CHN1: variants seen among roughly 807,000 people sequenced by gnomAD.
The protein encoded by CHN1 is chimerin 1.
CHN1 carries 37 observed loss-of-function variants against 59.5 expected under a neutral mutation model. The observed-to-expected ratio is 0.62, with a 90% confidence interval of 0.48 to 0.82. The LOEUF is 0.82. Among genes scored for constraint, CHN1 ranks in the 40% least tolerant of loss-of-function variants. The probability of loss-of-function intolerance (pLI) is 0.00; values close to 1 mark genes in which losing one functional copy is unlikely to be tolerated. For missense variants in CHN1, 469 were observed against 571.0 expected (o/e 0.82, Z 1.82); for synonymous variants, 206 against 200.4 (o/e 1.03, Z -0.24).
At chr2:174,918,273 T>C (rs1186700953) in intron 4 of CHN1, among the ~76,000 whole-genome samples, 1 of 152,212 alleles carries the variant, frequency 6.6e-6, no homozygotes, top group African/African-American at 2.4e-5. Flanking sequence ...ATTTTCCTCA[T>C]ATACATCTAA....
chr2:174,952,878 A>G (rs1192352973), intron 1 of CHN1, among the ~76,000 whole-genome samples: 1 of 152,180 alleles, frequency 6.6e-6, no homozygotes, highest in African/African-American at 2.4e-5. Context: ...ATAAATAGGA[A>G]GTGGAAAGAG....
intron 1 of CHN1, among the ~76,000 whole-genome samples, chr2:174,991,906 A>G (rs559255296): frequency 2.0e-5 from 3 of 152,380 alleles, no homozygotes; most frequent in South Asian, 4.1e-4. Context: ...GAATACAGAA[A>G]TGAAAAAGAA....
chr2:175,005,174 C>G lies in CHN1; in HGVS notation c.-262G>C. 2 of 1,277,628 alleles carry G rather than the reference C, an allele frequency of 1.6e-6. No individual in the cohort carries two copies. Among genetic ancestry groups the G allele is most frequent in the Non-Finnish European group, 2.0e-6 (2 of 1,010,088 alleles). The allele number at this position is 1,277,628 out of a possible 1,614,324, so 79.1% of individuals were successfully genotyped here. On this transcript the variant is annotated 5_prime_UTR_variant, in exon 1 of 13. Coordinates refer to ENST00000409900, the MANE Select transcript of CHN1 (RefSeq NM_001822.7). ...GCGAGCCGGCACTTGTCGCTGCCAT[C>G]AGGCGCGGAGCGTGCGCGCGGGAGG... is the stretch of plus-strand genomic sequence containing the variant.
intron 5 of CHN1, among the ~76,000 whole-genome samples, chr2:174,878,870 T>C (rs980507032): frequency 1.3e-5 from 2 of 152,244 alleles, no homozygotes; most frequent in African/African-American, 4.8e-5. Context: ...AACTGAAGAA[T>C]AATGGTTTAC....
At chr2:174,807,392 C>T (rs538942167) in intron 11 of CHN1, among the ~76,000 whole-genome samples, 59 of 149,640 alleles carry the variant, frequency 3.9e-4, no homozygotes, top group Non-Finnish European at 3.7e-4. Context: ...TCAGTGGGAT[C>T]GGAGTCCTCG....
intron 6 of CHN1, among the ~76,000 whole-genome samples, chr2:174,861,559 T>G (rs1687068559): frequency 6.6e-6 from 1 of 152,216 alleles, no homozygotes; most frequent in South Asian, 2.1e-4. Context: ...GTATAAATGT[T>G]TTGTCTTTTA....
At chr2:174,896,032 T>C (rs1022450435) in intron 5 of CHN1, among the ~76,000 whole-genome samples, 5 of 152,098 alleles carry the variant, frequency 3.3e-5, no homozygotes, top group African/African-American at 1.2e-4. Flanking sequence ...TTATATGACA[T>C]TTATAAAGTT....
rs574926915 is a variant in CHN1, at chr2:174,846,845, G to T, written c.627+35C>A. ...TAATATTATATATTTCAAGTAATAT[G>T]CATTTCTTAAAAGACTAAAAGCAAA... On this transcript the variant is annotated intron_variant, in intron 7 of 12. Transcript: ENST00000409900. 46 of 1,483,148 alleles carry T rather than the reference G, an allele frequency of 3.1e-5. No individual in the cohort carries two copies. The South Asian group carries it at 5.6e-4, about 18-fold the overall frequency. The allele number at this position is 1,483,148 out of a possible 1,614,324, so 91.9% of individuals were successfully genotyped here. A position where few individuals can be genotyped will look rare whatever the true frequency, so the allele number is the denominator to read the frequency against.
At chr2:174,926,975 G>C (rs1321594217) in intron 3 of CHN1, among the ~76,000 whole-genome samples, 1 of 152,056 alleles carries the variant, frequency 6.6e-6, no homozygotes, top group African/African-American at 2.4e-5. Context: ...AGCCAGGATA[G>C]TCTCGATCTC....
At chr2:174,991,684 A>T (rs1019892370) in intron 1 of CHN1, among the ~76,000 whole-genome samples, 11 of 152,234 alleles carry the variant, frequency 7.2e-5, no homozygotes, top group Non-Finnish European at 1.5e-4. Flanking sequence ...AACAAAAACA[A>T]TATATAAGAG....
At chr2:174,966,245 A>C (rs578180832) in intron 1 of CHN1, among the ~76,000 whole-genome samples, 17 of 152,244 alleles carry the variant, frequency 1.1e-4, no homozygotes, top group Admixed American at 2.0e-4. Flanking sequence ...TCATGATTCA[A>C]CTCTGATGGA....
chr2:174,835,916 G>C (rs1001003764), intron 7 of CHN1, among the ~76,000 whole-genome samples: 2 of 152,086 alleles, frequency 1.3e-5, no homozygotes, highest in African/African-American at 4.8e-5. Context: ...CCATTGTTTA[G>C]CCTATTGCTT....
intron 7 of CHN1, among the ~76,000 whole-genome samples, chr2:174,831,625 G>T (rs1685881797): frequency 6.6e-6 from 1 of 152,066 alleles, no homozygotes; most frequent in African/African-American, 2.4e-5. Context: ...CAAAATATGA[G>T]TATTTAGAGT....
chr2:175,001,867 A>G (rs904633210), intron 1 of CHN1, among the ~76,000 whole-genome samples: 1 of 152,054 alleles, frequency 6.6e-6, no homozygotes, highest in Admixed American at 6.5e-5. Flanking sequence ...TGTCAGGTAC[A>G]CCAGCCACAA....
At chr2:174,933,632 A>T (rs1689416259) in intron 3 of CHN1, among the ~76,000 whole-genome samples, 1 of 152,240 alleles carries the variant, frequency 6.6e-6, no homozygotes, top group African/African-American at 2.4e-5. Context: ...AAAAGAAAGC[A>T]AAGAAATTGA....
intron 4 of CHN1, among the ~76,000 whole-genome samples, 190 bp downstream of exon 4, chr2:174,918,344 T>C (rs1314826234): frequency 6.6e-6 from 1 of 152,196 alleles, no homozygotes; most frequent in East Asian, 1.9e-4. Flanking sequence ...TCCCATGCTA[T>C]TTTCTTATTT....
At chr2:174,983,136 T>C (rs1453196590) in intron 1 of CHN1, among the ~76,000 whole-genome samples, 1 of 152,190 alleles carries the variant, frequency 6.6e-6, no homozygotes, top group African/African-American at 2.4e-5. Context: ...GTTATATCTT[T>C]TGACTTGAGT....
At chr2:174,983,007 TA>T (rs943352552) in intron 1 of CHN1, among the ~76,000 whole-genome samples, 2 of 151,920 alleles carry the variant, frequency 1.3e-5, no homozygotes, top group African/African-American at 2.4e-5. Context: ...AAGAAGACAT[TA>T]AAAAAACACA....
chr2:174,920,470 T>C (rs1279747746), intron 3 of CHN1, among the ~76,000 whole-genome samples: 1 of 152,054 alleles, frequency 6.6e-6, no homozygotes, highest in Non-Finnish European at 1.5e-5. Context: ...TACTCAAAAA[T>C]GGCAAAAAGG....
Sources: gnomAD v4.1 joint callset for allele counts (sites outside exome capture counted in the v4.1 genomes callset) on GRCh38, gnomAD v4.1.1 for gene constraint, MANE v1.5 for transcripts, NCBI Gene and HGNC (gene_info 2026-07-23, HGNC 2026-07-21) for gene names.